Variants in ARHGAP31 observed in about 807,000 individuals in gnomAD.
ARHGAP31 encodes rho GTPase-activating protein 31.
A neutral mutation model predicts 113.9 loss-of-function variants in ARHGAP31; 34 were observed. The ratio of observed to expected loss-of-function variants is 0.30; its 90% CI spans 0.23 to 0.40. ARHGAP31 has a LOEUF of 0.40. ARHGAP31 is among the 10% of genes least tolerant of loss of function. The pLI is 1.00. For synonymous variants in ARHGAP31, 650 were observed against 684.8 expected, an observed-to-expected ratio of 0.95 and a Z score of 0.79; for missense variants, 1,548 against 1,767.1, an observed-to-expected ratio of 0.88 and a Z score of 2.22.
chr3:119,392,938 T>A (rs2080517963), intron 7 of ARHGAP31, among the ~76,000 whole-genome samples: 1 of 152,138 alleles, frequency 6.6e-6, no homozygotes, highest in African/African-American at 2.4e-5. Context: ...TCTTTAGTGT[T>A]TACTCCTGTA....
At chr3:119,380,835 C>G in intron 3 of ARHGAP31, 69 bp from the exon 4 acceptor site, 1 of 1,345,642 alleles carries the variant, frequency 7.4e-7, no homozygotes, top group Admixed American at 1.7e-5. Flanking sequence ...CTTGAGTGAT[C>G]CCAGCACATG....
At chr3:119,315,159 T>G (rs1366314919) in intron 1 of ARHGAP31, among the ~76,000 whole-genome samples, 3 of 152,260 alleles carry the variant, frequency 2.0e-5, no homozygotes, top group Non-Finnish European at 2.9e-5. Flanking sequence ...TTCTCTTCTG[T>G]GTATACTGCT....
intron 1 of ARHGAP31, among the ~76,000 whole-genome samples, chr3:119,326,765 C>T (rs1559967829): frequency 6.6e-6 from 1 of 152,220 alleles, no homozygotes; most frequent in East Asian, 1.9e-4. Flanking sequence ...TGACTGGAAT[C>T]TTGCGTTTGT....
At position 119,414,263 on chromosome 3, in the gene ARHGAP31, T is replaced by A. The variant is rs1311475281; in HGVS notation, c.2334T>A (p.Ser778=). Residue 778 remains serine (S), a synonymous_variant, in exon 12 of 12, where the codon TCT becomes TCA. Coordinates refer to ENST00000264245, the MANE Select transcript of ARHGAP31 (RefSeq NM_020754.4). The stretch of plus-strand genomic sequence containing the variant: ...AAGTAGGAGGCCCAGGCAATCTGTC[T>A]CCTCCACTCCCACCTGCTCCTCCCC... ...TVEVGGPGNL[S]PPLPPAPPPP... is the part of the protein sequence containing the mutation. The A allele has an allele frequency of 6.2e-7, 1 of 1,613,900 alleles. No homozygotes were observed.
At chr3:119,306,556 CA>C (rs59254294) in intron 1 of ARHGAP31, among the ~76,000 whole-genome samples, 3 of 151,050 alleles carry the variant, frequency 2.0e-5, no homozygotes, top group Non-Finnish European at 3.0e-5. Context: ...GACTTTGTCT[CA>C]AAAAAAAAGT....
chr3:119,305,923 TC>T (rs550636333), intron 1 of ARHGAP31, among the ~76,000 whole-genome samples: 251 of 152,246 alleles, frequency 1.6e-3, no homozygotes, highest in African/African-American at 5.8e-3. Context: ...CGTCCTGTTT[TC>T]CCCCCTCCTA....
At chr3:119,407,434 C>A (rs1051842536) in intron 10 of ARHGAP31, among the ~76,000 whole-genome samples, 16 of 151,544 alleles carry the variant, frequency 1.1e-4, no homozygotes, top group African/African-American at 3.6e-4. Context: ...ATGGCATGGG[C>A]TTGGTTCAAG....
intron 9 of ARHGAP31, 35 bp from the exon 10 acceptor site, chr3:119,401,787 C>A: frequency 6.2e-7 from 1 of 1,602,964 alleles, no homozygotes; most frequent in Non-Finnish European, 8.5e-7. Flanking sequence ...ATGTGTGCCC[C>A]GGCTGCTGAC....
At chr3:119,320,371 T>C (rs1394048093) in intron 1 of ARHGAP31, among the ~76,000 whole-genome samples, 1 of 152,142 alleles carries the variant, frequency 6.6e-6, no homozygotes, top group Non-Finnish European at 1.5e-5. Flanking sequence ...ACATGATCAT[T>C]AGGCATTTTC....
chr3:119,331,643 A>G (rs2107607358), intron 1 of ARHGAP31, among the ~76,000 whole-genome samples: 2 of 152,284 alleles, frequency 1.3e-5, no homozygotes, highest in Middle Eastern at 6.8e-3. Flanking sequence ...AGAGCCCTAA[A>G]TTCACTATTT....
chr3:119,306,389 A>G (rs1000997421), intron 1 of ARHGAP31, among the ~76,000 whole-genome samples: 5 of 152,116 alleles, frequency 3.3e-5, no homozygotes, highest in African/African-American at 1.2e-4. Context: ...CCCCATCTCT[A>G]CTAAAAAAAT....
rs963908578 is a variant in ARHGAP31, at chr3:119,415,968, C to G, written c.4039C>G (p.Leu1347Val). The change falls in exon 12 of 12, where the codon CTA becomes GTA. Residue 1347 changes from leucine to valine, a missense_variant. Leu to Val is a conservative substitution (Grantham distance 32). Coordinates refer to ENST00000264245, the MANE Select transcript of ARHGAP31 (RefSeq NM_020754.4). ...GTCAAGGCCAGGAAGACCTCAGAGC[C>G]TAATCTTATTCAGTCCTCCTTTCCC... ...HRSRPGRPQS[L>V]ILFSPPFPIM... The G allele has an allele frequency of 4.3e-6, 7 of 1,614,070 alleles. No individual in the cohort carries two copies. The highest frequency in any genetic ancestry group is 5.1e-6 in the Non-Finnish European group (6 of 1,180,040).
chr3:119,365,784 G>T (rs1054833291), intron 2 of ARHGAP31, among the ~76,000 whole-genome samples: 18 of 152,150 alleles, frequency 1.2e-4, no homozygotes, highest in Non-Finnish European at 1.9e-4. Flanking sequence ...CTAGGTTCCT[G>T]TTACTTAGTG....
intron 1 of ARHGAP31, among the ~76,000 whole-genome samples, chr3:119,315,445 C>G (rs945594004): frequency 1.3e-5 from 2 of 152,224 alleles, no homozygotes; most frequent in African/African-American, 4.8e-5. Context: ...GTCATCCGCT[C>G]TGAACTTAGC....
At chr3:119,393,340 G>A (rs1046408951) in intron 7 of ARHGAP31, 127 bp from the exon 8 acceptor site, 1 of 1,278,168 alleles carries the variant, frequency 7.8e-7, no homozygotes, top group Non-Finnish European at 1.1e-6. Flanking sequence ...GGATTTTAGA[G>A]GGGAATTTCT....
intron 1 of ARHGAP31, among the ~76,000 whole-genome samples, chr3:119,338,551 TA>T (rs2079979354): frequency 1.3e-5 from 2 of 152,344 alleles, no homozygotes; most frequent in East Asian, 3.8e-4. Context: ...CAAGGTATAA[TA>T]TTTTTGTTTC....
At chr3:119,329,609 C>T (rs2079873424) in intron 1 of ARHGAP31, among the ~76,000 whole-genome samples, 1 of 152,210 alleles carries the variant, frequency 6.6e-6, no homozygotes, top group Admixed American at 6.5e-5. Flanking sequence ...TCCATAACCT[C>T]CTTCCACGGA....
Position 119,390,791 on chromosome 3 carries a change from G to A in ARHGAP31, c.689G>A (p.Arg230Gln), listed in dbSNP as rs762629877. ...APGSLENDEN[R>Q]PIMKSLTLPA... ...TCTTCCATTGCCTTTACAGAAAACC[G>A]GCCCATCATGAAGAGCCTGACCTTG... Residue 230 changes from arginine (R) to glutamine (Q), a missense_variant, in exon 7 of 12, where the codon CGG (arginine) becomes CAG (glutamine). Coordinates refer to ENST00000264245, the MANE Select transcript of ARHGAP31 (RefSeq NM_020754.4). 8.1e-6 allele frequency: 13 copies of A among 1,612,112 alleles called. No homozygotes were observed. The Admixed American group carries it at 8.3e-5, about 10-fold the overall frequency.
intron 6 of ARHGAP31, among the ~76,000 whole-genome samples, chr3:119,388,825 C>A (rs1254249180): frequency 6.6e-6 from 1 of 152,126 alleles, no homozygotes; most frequent in African/African-American, 2.4e-5. Flanking sequence ...CAGAGGAGCA[C>A]AGATCGCAAG....
Sources: allele counts gnomAD v4.1 joint callset (sites outside exome capture counted in the v4.1 genomes callset), GRCh38; gene constraint gnomAD v4.1.1; transcripts MANE v1.5; gene names NCBI Gene and HGNC (gene_info 2026-07-23, HGNC 2026-07-21).